VDAC1: variants seen among roughly 807,000 people sequenced by gnomAD.
VDAC1 encodes non-selective voltage-gated ion channel VDAC1.
In VDAC1, 10 loss-of-function variants were observed where a neutral mutation model predicts 34.7. The ratio of observed to expected loss-of-function variants is 0.29; its 90% CI spans 0.18 to 0.49. The LOEUF (loss-of-function observed/expected upper bound fraction) is 0.49. VDAC1 is among the 20% of genes least tolerant of loss of function. VDAC1 has a pLI of 0.99. For missense variants in VDAC1, 230 were observed against 347.9 expected (o/e 0.66, Z 2.69); for synonymous variants, 130 against 136.0 (o/e 0.96, Z 0.30).
chr5:133,982,265 G>A (rs776580832), intron 5 of VDAC1, among the ~76,000 whole-genome samples: 1 of 152,178 alleles, frequency 6.6e-6, no homozygotes, highest in Non-Finnish European at 1.5e-5. Context: ...AGTAATTCCA[G>A]CACTTTGGGA....
chr5:134,068,168 C>T, the VDAC1 span, among the ~76,000 whole-genome samples: 1 of 152,074 alleles, frequency 6.6e-6, no homozygotes, highest in Non-Finnish European at 1.5e-5. Flanking sequence ...TTACTCTACT[C>T]CATCTTCTTA....
At chr5:134,052,336 C>T in the VDAC1 span, among the ~76,000 whole-genome samples, 2 of 149,866 alleles carry the variant, frequency 1.3e-5, no homozygotes, top group Admixed American at 6.7e-5. Context: ...TTATGTAAAA[C>T]TTTTTTTTTT....
chr5:134,013,088 T>C, the VDAC1 span, among the ~76,000 whole-genome samples: 5 of 152,154 alleles, frequency 3.3e-5, no homozygotes, highest in African/African-American at 1.2e-4. Flanking sequence ...ATACAAAAAT[T>C]AACTCAAGAC....
intron 1 of VDAC1, among the ~76,000 whole-genome samples, chr5:133,996,523 T>C (rs1366520000): frequency 6.6e-6 from 1 of 152,004 alleles, no homozygotes; most frequent in Non-Finnish European, 1.5e-5. Context: ...ATCAGCTGAA[T>C]GGCAATGACA....
At chr5:134,106,142 C>G in the VDAC1 span, among the ~76,000 whole-genome samples, 2 of 152,208 alleles carry the variant, frequency 1.3e-5, no homozygotes, top group Non-Finnish European at 2.9e-5. Context: ...TTTGCTCTGC[C>G]TTTTACTAGC....
the VDAC1 span, among the ~76,000 whole-genome samples, chr5:134,072,247 A>G: frequency 1.3e-5 from 2 of 152,190 alleles, no homozygotes; most frequent in Non-Finnish European, 2.9e-5. Flanking sequence ...CAAGAGAGAC[A>G]GGACTTTATA....
chr5:134,085,722 T>TAAAAAAAAAAAAAAAAAAAAAA, the VDAC1 span, among the ~76,000 whole-genome samples: 3 of 44,248 alleles, frequency 6.8e-5, 1 homozygote, highest in African/African-American at 1.0e-4. Flanking sequence ...ACCCCATTTC[T>TAAAAAAAAAAAAAAAAAAAAAA]AAAAAAAAAA....
chr5:134,059,914 G>A, the VDAC1 span, among the ~76,000 whole-genome samples: 1 of 146,528 alleles, frequency 6.8e-6, no homozygotes, highest in African/African-American at 2.4e-5. Flanking sequence ...AGCCAGGCTT[G>A]GGCAGAGGCC....
the VDAC1 span, among the ~76,000 whole-genome samples, chr5:134,091,312 A>G: frequency 6.6e-6 from 1 of 152,122 alleles, no homozygotes; most frequent in African/African-American, 2.4e-5. Flanking sequence ...GAAGGTTACC[A>G]CTATTCCAAC....
At chr5:134,092,301 C>T in the VDAC1 span, among the ~76,000 whole-genome samples, 132,333 of 152,204 alleles carry the variant, frequency 0.87, 57,879 homozygotes, top group Non-Finnish European at 0.91. Context: ...CTAAAGACTT[C>T]AATAGAGGCA....
chr5:134,104,989 C>T, the VDAC1 span, among the ~76,000 whole-genome samples: 7 of 152,190 alleles, frequency 4.6e-5, no homozygotes, highest in African/African-American at 1.4e-4. Flanking sequence ...GCAAGTGAGG[C>T]GGCACTCTGA....
At chr5:134,017,043 C>T in the VDAC1 span, among the ~76,000 whole-genome samples, 5 of 152,240 alleles carry the variant, frequency 3.3e-5, no homozygotes, top group Non-Finnish European at 7.3e-5. Context: ...TTCTCATTCT[C>T]TGGCCTCTGC....
chr5:134,022,640 T>C, the VDAC1 span, among the ~76,000 whole-genome samples: 40 of 152,136 alleles, frequency 2.6e-4, no homozygotes, highest in South Asian at 8.3e-3. Flanking sequence ...AACAAAGCAA[T>C]ATGGAGAAAC....
chr5:134,047,798 A>C, the VDAC1 span, among the ~76,000 whole-genome samples: 1 of 152,236 alleles, frequency 6.6e-6, no homozygotes, highest in East Asian at 1.9e-4. Flanking sequence ...TGAGGCTGGC[A>C]CAGTGAAGGG....
the VDAC1 span, among the ~76,000 whole-genome samples, chr5:134,110,746 C>T: frequency 2.0e-5 from 3 of 152,240 alleles, no homozygotes; most frequent in East Asian, 5.8e-4. Context: ...TTACTAAATC[C>T]ATCTGGGGCT....
chr5:134,077,629 C>G, the VDAC1 span, among the ~76,000 whole-genome samples: 16 of 152,184 alleles, frequency 1.1e-4, no homozygotes, highest in Non-Finnish European at 1.5e-5. Context: ...AATGCATACT[C>G]GCTCATTTAA....
the VDAC1 span, among the ~76,000 whole-genome samples, chr5:134,091,605 TC>T: frequency 3.3e-5 from 5 of 152,062 alleles, no homozygotes; most frequent in Non-Finnish European, 5.9e-5. Flanking sequence ...ATGGAAACTC[TC>T]CCACTAGGTC....
At chr5:133,996,705 T>C (rs959927352) in intron 1 of VDAC1, among the ~76,000 whole-genome samples, 3 of 152,192 alleles carry the variant, frequency 2.0e-5, no homozygotes, top group African/African-American at 7.2e-5. Context: ...GCATTCAATA[T>C]AAATGTGTTT....
intron 5 of VDAC1, among the ~76,000 whole-genome samples, chr5:133,981,387 G>C (rs1344936365): frequency 6.6e-6 from 1 of 152,194 alleles, no homozygotes; most frequent in Non-Finnish European, 1.5e-5. Flanking sequence ...CTTTTAAAGA[G>C]ACGGTTTTCT....
Sources: gnomAD v4.1 joint callset for allele counts (sites outside exome capture counted in the v4.1 genomes callset) on GRCh38, gnomAD v4.1.1 for gene constraint, MANE v1.5 for transcripts, NCBI Gene and HGNC (gene_info 2026-07-23, HGNC 2026-07-21) for gene names.